CELF2: variants seen among roughly 807,000 people sequenced by gnomAD.
CELF2 encodes the protein CUG triplet repeat RNA-binding protein 2.
Under a neutral mutation model 62.6 loss-of-function variants are expected in CELF2, and 8 were observed. The ratio of observed to expected loss-of-function variants is 0.13; its 90% CI spans 0.07 to 0.23. CELF2 has a LOEUF of 0.23. Ranked by LOEUF, CELF2 falls within the 10% of genes least tolerant of loss-of-function variation. CELF2 has a pLI of 1.00. For missense variants in CELF2, 333 were observed against 671.0 expected (o/e 0.50, Z 5.56); for synonymous variants, 258 against 250.0 (o/e 1.03, Z -0.30).
intron 4 of CELF2, among the ~76,000 whole-genome samples, chr10:11,251,341 TTC>T (rs2077096607): frequency 7.8e-6 from 1 of 127,658 alleles, no homozygotes; most frequent in Non-Finnish European, 1.6e-5. Context: ...AGAGAACCCT[TTC>T]TACAGGCAGC....
intron 1 of CELF2, chr10:11,097,178 C>T (rs1001163348): frequency 3.9e-5 from 6 of 152,150 alleles, no homozygotes; most frequent in Non-Finnish European, 8.8e-5. Flanking sequence ...AGTATCCCAA[C>T]AAAAGTAGAG....
intron 1 of CELF2, among the ~76,000 whole-genome samples, chr10:11,058,457 GTTGGTTTTTTTTT>G (rs2065861130): frequency 8.7e-6 from 1 of 115,180 alleles, no homozygotes; most frequent in African/African-American, 3.3e-5. Context: ...GGTTTTTTTT[GTTGGTTTTTTTTT>G]TTTTTTTTTT....
chr10:11,068,707 C>T (rs536860721), intron 1 of CELF2, among the ~76,000 whole-genome samples: 1 of 152,186 alleles, frequency 6.6e-6, no homozygotes, highest in Admixed American at 6.5e-5. Flanking sequence ...GCTACAGGTG[C>T]CTGTCACCAT....
At chr10:11,200,269 C>G (rs1005533359) in intron 2 of CELF2, among the ~76,000 whole-genome samples, 2 of 152,188 alleles carry the variant, frequency 1.3e-5, no homozygotes, top group African/African-American at 4.8e-5. Flanking sequence ...AGGTATCTCA[C>G]ATTCAGCCTC....
At chr10:10,537,748 G>A in the CELF2 span, among the ~76,000 whole-genome samples, 1 of 152,090 alleles carries the variant, frequency 6.6e-6, no homozygotes, top group African/African-American at 2.4e-5. Context: ...AGATAACCCA[G>A]CTCATGTATC....
rs555820523 is a variant in CELF2, at chr10:11,256,309, C to T, written c.404-1429C>T. 3.9e-4 allele frequency among the ~76,000 whole-genome samples: 60 copies of T among 152,332 alleles called. 1 individual carries two copies. Among genetic ancestry groups the T allele is most frequent in the African/African-American group, 1.3e-3 (56 of 41,578 alleles). ...CCACCTGTTACCAGTACACCTGCCC[C>T]AGCCCCTTCTCAGCACAGAGGTGTG... On this transcript the variant is annotated intron_variant, in intron 4 of 12. Transcript: ENST00000633077.
At chr10:10,626,381 T>C in the CELF2 span, among the ~76,000 whole-genome samples, 20 of 152,322 alleles carry the variant, frequency 1.3e-4, no homozygotes, top group East Asian at 3.9e-3. Flanking sequence ...GAGATAAGAT[T>C]GATCTAGGGT....
chr10:11,091,001 T>C (rs190391287), intron 1 of CELF2, among the ~76,000 whole-genome samples: 479 of 152,376 alleles, frequency 3.1e-3, no homozygotes, highest in Non-Finnish European at 5.4e-3. Context: ...ATCATTCTTT[T>C]ATAATCCATA....
the CELF2 span, among the ~76,000 whole-genome samples, chr10:10,603,078 A>G: frequency 6.9e-6 from 1 of 144,856 alleles, no homozygotes; most frequent in Admixed American, 7.3e-5. Context: ...TTAGACCAGT[A>G]TTTTCAGCAA....
rs1025180291 is a variant in CELF2, at chr10:11,244,989, GTC to G, written c.355-4159_355-4158del. ...GCTGTGGGAAATGCTTGCTGTATCTGTCTCTCCTACCACACTGCAAGCTCCAT... is the reference window on the plus strand; with the variant it reads ...GCTGTGGGAAATGCTTGCTGTATCTGTCTCCTACCACACTGCAAGCTCCAT... On this transcript the variant is annotated intron_variant, in intron 3 of 12. Transcript: ENST00000633077. The surrounding 1 kb of genome is among the most constrained non-coding windows in gnomAD (Gnocchi z 4.2). Among the ~76,000 whole-genome samples, 2 of 152,082 alleles carry G rather than the reference GTC, an allele frequency of 1.3e-5. No homozygotes were observed. The highest frequency in any genetic ancestry group is 2.9e-5 in the Non-Finnish European group (2 of 68,014).
At chr10:10,773,085 T>G in the CELF2 span, among the ~76,000 whole-genome samples, 2 of 152,208 alleles carry the variant, frequency 1.3e-5, no homozygotes. Flanking sequence ...ATTTCTGCAG[T>G]GAACAGCATC....
At chr10:10,497,614 G>C in the CELF2 span, among the ~76,000 whole-genome samples, 2 of 152,154 alleles carry the variant, frequency 1.3e-5, no homozygotes, top group Admixed American at 1.3e-4. Flanking sequence ...GGGTGGCCAG[G>C]GGAGGAGGAG....
chr10:10,806,862 A>G (rs1259748383), intron 1 of CELF2, among the ~76,000 whole-genome samples: 1 of 152,186 alleles, frequency 6.6e-6, no homozygotes, highest in Non-Finnish European at 1.5e-5. Flanking sequence ...TTACAGGTAA[A>G]TAATATAAAC....
chr10:11,068,310 A>G (rs561467726), intron 1 of CELF2, among the ~76,000 whole-genome samples: 16 of 152,350 alleles, frequency 1.1e-4, no homozygotes, highest in African/African-American at 3.1e-4. Flanking sequence ...ACAAAACAGC[A>G]TAATAGACAA....
the CELF2 span, among the ~76,000 whole-genome samples, chr10:10,650,895 G>C: frequency 3.3e-5 from 5 of 152,062 alleles, no homozygotes; most frequent in East Asian, 1.9e-4. Flanking sequence ...GAACAGCTCC[G>C]GTCTACAGCT....
chr10:10,933,571 G>A (rs2066319371), intron 2 of CELF2, among the ~76,000 whole-genome samples: 1 of 151,994 alleles, frequency 6.6e-6, no homozygotes, highest in African/African-American at 2.4e-5. Flanking sequence ...TATACCCATT[G>A]ACCTTCTTTC....
chr10:10,625,597 G>A, the CELF2 span, among the ~76,000 whole-genome samples: 2 of 150,046 alleles, frequency 1.3e-5, no homozygotes, highest in Non-Finnish European at 3.0e-5. Flanking sequence ...AATAGCCTCA[G>A]GGCCAAAGTG....
chr10:11,256,042 T>A (rs1455039693), intron 4 of CELF2, among the ~76,000 whole-genome samples: 1 of 152,212 alleles, frequency 6.6e-6, no homozygotes, highest in Non-Finnish European at 1.5e-5. Context: ...GGAAATCTTT[T>A]GGAGACAGAC....
Position 11,300,302 on chromosome 10 carries a change from G to A in CELF2, c.976+11750G>A, listed in dbSNP as rs960764137. On this transcript the variant is annotated intron_variant, in intron 9 of 12. Coordinates refer to ENST00000633077, the MANE Select transcript of CELF2 (RefSeq NM_001326342.2). This position sits in a 1 kb window ranked among gnomAD's most constrained non-coding sequence, Gnocchi z 5.5. The stretch of plus-strand genomic sequence containing the variant: ...CAGCAGTCGTTCTGAGTCCAGACCC[G>A]GCCCTCTAGACTGAATTTTCCTCTT... Among the ~76,000 whole-genome samples, 5 of 152,094 alleles carry A rather than the reference G, an allele frequency of 3.3e-5. No homozygotes were observed. The highest frequency in any genetic ancestry group is 1.3e-4 in the Admixed American group (2 of 15,276).
Sources: allele counts gnomAD v4.1 joint callset (sites outside exome capture counted in the v4.1 genomes callset), GRCh38; gene constraint gnomAD v4.1.1; non-coding constraint Gnocchi (gnomAD v3.1); transcripts MANE v1.5; gene names NCBI Gene and HGNC (gene_info 2026-07-23, HGNC 2026-07-21).